The following SUV39H2 variants were observed in gnomAD, a reference collection of about 807,000 sequenced individuals.
The protein encoded by SUV39H2 is histone-lysine N-methyltransferase SUV39H2.
Under a neutral mutation model 47.5 loss-of-function variants are expected in SUV39H2, and 10 were observed. The observed-to-expected ratio is 0.21, with a 90% CI of 0.13 to 0.36. The LOEUF is 0.36. SUV39H2 is among the 10% of genes least tolerant of loss of function. The probability of loss-of-function intolerance (pLI) is 1.00; values close to 1 mark genes in which losing one functional copy is unlikely to be tolerated. For synonymous variants in SUV39H2, 159 were observed against 166.8 expected, an observed-to-expected ratio of 0.95 and a Z score of 0.36; for missense variants, 266 against 487.4, an observed-to-expected ratio of 0.55 and a Z score of 4.28.
At chr10:14,882,649 A>G (rs897383826) in intron 2 of SUV39H2, among the ~76,000 whole-genome samples, 3 of 152,054 alleles carry the variant, frequency 2.0e-5, no homozygotes, top group African/African-American at 7.2e-5. Flanking sequence ...TGCTTTTCCC[A>G]TTCTTGTCAG....
rs1386916442 is a variant in SUV39H2, at chr10:14,894,579, A to G, written c.178-2267A>G. Among the ~76,000 whole-genome samples, 7 of 60,102 alleles carry G rather than the reference A, an allele frequency of 1.2e-4. 2 individuals carry two copies. Among genetic ancestry groups the G allele is most frequent in the East Asian group, 1.1e-3 (2 of 1,758 alleles). 39.4% of individuals were successfully genotyped at this position (60,102 alleles called of 152,430 possible). A position where few individuals can be genotyped will look rare whatever the true frequency, so the allele number is the denominator to read the frequency against. On this transcript the variant is annotated intron_variant, in intron 2 of 5. Transcript: ENST00000354919. ...AGACGGGGTTTCACCGTGTTAGCCA[A>G]GATGGTCTCGATCTCCTGACCTCGT...
intron 2 of SUV39H2, among the ~76,000 whole-genome samples, chr10:14,888,545 A>G (rs1833284987): frequency 6.6e-6 from 1 of 152,100 alleles, no homozygotes; most frequent in Non-Finnish European, 1.5e-5. Context: ...CTGAGGCACG[A>G]GAATCTCTTG....
chr10:14,898,202 C>CTTTTT lies in SUV39H2; in HGVS notation c.849+709_849+713dup, dbSNP rs919860514. On this transcript the variant is annotated intron_variant, in intron 3 of 5. Coordinates refer to ENST00000354919, the MANE Select transcript of SUV39H2 (RefSeq NM_001193424.2). ...AAAACTCAGTGAGGTAGTACTGTTT[C>CTTTTT]TTTTTTTTTTTTTTTTTTTTTTTTT... The CTTTTT allele has an allele frequency of 8.0e-4, 45 of 56,152 alleles. 3 individuals carry two copies. The highest frequency in any genetic ancestry group is 1.5e-3 in the African/African-American group (21 of 14,148). The allele number at this position is 56,152 out of a possible 1,614,324, so 3.5% of individuals were successfully genotyped here.
intron 2 of SUV39H2, among the ~76,000 whole-genome samples, chr10:14,888,235 G>A (rs1833275366): frequency 6.6e-6 from 1 of 152,340 alleles, no homozygotes; most frequent in Admixed American, 6.5e-5. Flanking sequence ...CAAAGCAAAT[G>A]TGAGCAGAAA....
chr10:14,900,274 A>G (rs1403682122), intron 4 of SUV39H2, among the ~76,000 whole-genome samples: 2 of 152,180 alleles, frequency 1.3e-5, no homozygotes, highest in Admixed American at 1.3e-4. Context: ...AAATTAGGGA[A>G]GTTAATAATT....
chr10:14,889,099 G>T (rs1270570513), intron 2 of SUV39H2, among the ~76,000 whole-genome samples: 2 of 136,854 alleles, frequency 1.5e-5, no homozygotes, highest in African/African-American at 6.3e-5. Context: ...GTGAAACTCT[G>T]TCTCAAAAAA....
chr10:14,889,938 TCA>T (rs1291610251), intron 2 of SUV39H2, among the ~76,000 whole-genome samples: 4 of 152,220 alleles, frequency 2.6e-5, no homozygotes, highest in African/African-American at 9.7e-5. Flanking sequence ...TTAAGATAGT[TCA>T]GTTAAGAACA....
intron 2 of SUV39H2, among the ~76,000 whole-genome samples, chr10:14,891,814 T>C (rs567913876): frequency 6.6e-6 from 1 of 152,194 alleles, no homozygotes. Context: ...CGGTAGGCTA[T>C]TGGATATATT....
chr10:14,891,923 C>T (rs1021954671), intron 2 of SUV39H2, among the ~76,000 whole-genome samples: 1 of 152,174 alleles, frequency 6.6e-6, no homozygotes, highest in Admixed American at 6.5e-5. Flanking sequence ...AGTAGGAATT[C>T]TCTAAACCCG....
chr10:14,884,236 T>C (rs1476033974), intron 2 of SUV39H2, among the ~76,000 whole-genome samples: 1 of 152,198 alleles, frequency 6.6e-6, no homozygotes, highest in Non-Finnish European at 1.5e-5. Flanking sequence ...TGTGTTTAAC[T>C]GTTTGAGGAA....
chr10:14,879,183 G>T, intron 1 of SUV39H2: 2 of 1,116,968 alleles, frequency 1.8e-6, no homozygotes, highest in African/African-American at 1.6e-5. Flanking sequence ...CTCTCCGCCC[G>T]CTCGGCCCGG....
chr10:14,879,982 A>T (rs747478232), intron 1 of SUV39H2: 4 of 150,594 alleles, frequency 2.7e-5, no homozygotes, highest in Non-Finnish European at 4.4e-5. Context: ...TGAATCCTCA[A>T]CTAGATAAAA....
intron 2 of SUV39H2, among the ~76,000 whole-genome samples, chr10:14,896,192 C>CTTGGG (rs1833597072): frequency 1.3e-5 from 2 of 152,200 alleles, no homozygotes; most frequent in African/African-American, 4.8e-5. Flanking sequence ...ATCCACCCAC[C>CTTGGG]TTGGCCTCCC....
intron 2 of SUV39H2, among the ~76,000 whole-genome samples, chr10:14,886,853 G>T (rs1232481713): frequency 1.3e-5 from 2 of 152,220 alleles, no homozygotes; most frequent in Non-Finnish European, 2.9e-5. Context: ...TCTGTGGGAG[G>T]TGCACCTTGG....
chr10:14,896,009 T>A (rs925469133), intron 2 of SUV39H2, among the ~76,000 whole-genome samples: 16 of 151,452 alleles, frequency 1.1e-4, no homozygotes, highest in Non-Finnish European at 2.9e-5. Context: ...AGTGGTGCAA[T>A]CTTGGCTCAC....
rs534725080 is a variant in SUV39H2 at position 14,878,900 on chromosome 10, C to A, written c.12C>A (p.Val4=). 3.4e-5 allele frequency: 51 copies of A among 1,484,204 alleles called. No individual in the cohort carries two copies. Among genetic ancestry groups the A allele is most frequent in the Non-Finnish European group, 4.4e-5 (49 of 1,116,018 alleles). 91.9% of individuals were successfully genotyped at this position (1,484,204 alleles called of 1,614,324 possible). Residue 4 remains valine (V), a synonymous_variant, in exon 1 of 6, where the codon GTC becomes GTA. Transcript: ENST00000354919. ...GAAAGCTCTACAAGATGGCGGCGGT[C>A]GGGGCCGAGGCGCGAGGAGGTGAGG... is the stretch of plus-strand genomic sequence containing the variant. The part of the protein sequence containing the change: MAA[V]GAEARGAWCV...
intron 3 of SUV39H2, chr10:14,898,441 T>A (rs1370888885): frequency 2.1e-5 from 3 of 145,384 alleles, no homozygotes. Context: ...CAACTCTGGA[T>A]TTTTTAGTTG....
At chr10:14,893,081 C>A (rs1588843675) in intron 2 of SUV39H2, among the ~76,000 whole-genome samples, 4 of 148,578 alleles carry the variant, frequency 2.7e-5, no homozygotes, top group African/African-American at 1.0e-4. Flanking sequence ...AGGCTCACTG[C>A]AGGCTCCGCC....
chr10:14,890,080 G>A (rs1244900416), intron 2 of SUV39H2, among the ~76,000 whole-genome samples: 1 of 152,132 alleles, frequency 6.6e-6, no homozygotes, highest in Non-Finnish European at 1.5e-5. Flanking sequence ...ATATGGCGTG[G>A]CACAAATTAA....
Sources: allele counts gnomAD v4.1 joint callset (sites outside exome capture counted in the v4.1 genomes callset), GRCh38; gene constraint gnomAD v4.1.1; transcripts MANE v1.5; gene names NCBI Gene and HGNC (gene_info 2026-07-23, HGNC 2026-07-21).